HDAC4: variants seen among roughly 807,000 people sequenced by gnomAD.
HDAC4 encodes histone deacetylase A.
Under a neutral mutation model 135.1 loss-of-function variants are expected in HDAC4, and 16 were observed. That is an observed-to-expected ratio of 0.12 (90% confidence interval 0.08 to 0.18). HDAC4 has a LOEUF of 0.18. HDAC4 is among the 10% of genes least tolerant of loss of function. The probability of loss-of-function intolerance (pLI) is 1.00; values close to 1 mark genes in which losing one functional copy is unlikely to be tolerated. For missense variants in HDAC4, 1,143 were observed against 1,511.8 expected (o/e 0.76, Z 4.05); for synonymous variants, 685 against 653.4 (o/e 1.05, Z -0.74).
intron 3 of HDAC4, among the ~76,000 whole-genome samples, chr2:239,219,814 A>G (rs1384708960): frequency 6.6e-6 from 1 of 152,190 alleles, no homozygotes; most frequent in African/African-American, 2.4e-5. Flanking sequence ...TAAAGCATGC[A>G]ATCTACAAAG....
At chr2:239,091,454 T>C (rs1056149402) in intron 17 of HDAC4, 1 of 152,222 alleles carries the variant, frequency 6.6e-6, no homozygotes, top group Admixed American at 6.5e-5. Context: ...ACCAGGGCGA[T>C]TGCAGGTCCA....
chr2:239,189,793 C>T (rs753603646), intron 4 of HDAC4, 40 bp downstream of exon 4: 61 of 1,578,138 alleles, frequency 3.9e-5, no homozygotes, highest in South Asian at 4.5e-5. Context: ...TTGAGGGTGC[C>T]GGAGGCCTGG....
At chr2:239,194,434 G>A (rs775495281) in intron 3 of HDAC4, among the ~76,000 whole-genome samples, 3 of 152,160 alleles carry the variant, frequency 2.0e-5, no homozygotes, top group Admixed American at 6.5e-5. Flanking sequence ...CGCTGCTGCC[G>A]GGGAATTCTC....
intron 17 of HDAC4, chr2:239,094,697 G>A (rs2036838145): frequency 1.6e-6 from 2 of 1,236,364 alleles, no homozygotes; most frequent in Admixed American, 3.5e-5. Context: ...GATGTGAGCA[G>A]ATTACTGCCA....
At chr2:239,387,039 G>A (rs1054783290) in intron 1 of HDAC4, among the ~76,000 whole-genome samples, 6 of 152,256 alleles carry the variant, frequency 3.9e-5, no homozygotes, top group African/African-American at 1.4e-4. Flanking sequence ...GTCTGTCCGT[G>A]CGTCTATCTG....
At chr2:239,298,138 A>C in intron 2 of HDAC4, 1 of 1,179,678 alleles carries the variant, frequency 8.5e-7, no homozygotes, top group South Asian at 1.3e-5. Flanking sequence ...CATAAACAAG[A>C]AATTCCAAAC....
chr2:239,108,353 A>G (rs2038349610), intron 14 of HDAC4, among the ~76,000 whole-genome samples, 170 bp from the exon 15 acceptor site: 1 of 152,224 alleles, frequency 6.6e-6, no homozygotes, highest in African/African-American at 2.4e-5. Flanking sequence ...TTGACTGGCC[A>G]GGCCCAGAGA....
At chr2:239,177,509 G>A (rs994535258) in intron 4 of HDAC4, among the ~76,000 whole-genome samples, 14 of 152,350 alleles carry the variant, frequency 9.2e-5, no homozygotes, top group Admixed American at 5.9e-4. Flanking sequence ...TGCCGAGGCC[G>A]GAGGAAACGC....
chr2:239,280,512 C>A (rs549148494), intron 2 of HDAC4, among the ~76,000 whole-genome samples: 1 of 152,180 alleles, frequency 6.6e-6, no homozygotes, highest in African/African-American at 2.4e-5. Context: ...GGGCACTGCA[C>A]GCCTCCCCAC....
intron 2 of HDAC4, among the ~76,000 whole-genome samples, chr2:239,288,618 T>C (rs1477071181): frequency 6.6e-6 from 1 of 150,886 alleles, no homozygotes; most frequent in African/African-American, 2.4e-5. Context: ...AAATAAAATA[T>C]AAAAATCAAC....
At chr2:239,294,693 G>T (rs1333136918) in intron 2 of HDAC4, among the ~76,000 whole-genome samples, 1 of 151,968 alleles carries the variant, frequency 6.6e-6, no homozygotes, top group African/African-American at 2.4e-5. Context: ...GAGTTGGAAG[G>T]AAGGGGAGCA....
intron 1 of HDAC4, among the ~76,000 whole-genome samples, chr2:239,397,693 C>G (rs1696659721): frequency 6.6e-6 from 1 of 152,206 alleles, no homozygotes; most frequent in South Asian, 2.1e-4. Context: ...TTCCCACGCA[C>G]AGAAGCCCAA....
At chr2:239,210,536 A>G (rs573311789) in intron 3 of HDAC4, among the ~76,000 whole-genome samples, 1 of 152,294 alleles carries the variant, frequency 6.6e-6, no homozygotes, top group South Asian at 2.1e-4. Flanking sequence ...AAACGTGTAC[A>G]TTTATTACCC....
At chr2:239,251,437 T>C (rs2048779444) in intron 2 of HDAC4, among the ~76,000 whole-genome samples, 3 of 151,912 alleles carry the variant, frequency 2.0e-5, no homozygotes, top group Admixed American at 2.0e-4. Flanking sequence ...CTATCAACAA[T>C]ACAAAAAATC....
At chr2:239,169,493 G>A (rs1405843237) in intron 5 of HDAC4, among the ~76,000 whole-genome samples, 1 of 152,238 alleles carries the variant, frequency 6.6e-6, no homozygotes, top group East Asian at 1.9e-4. Flanking sequence ...CCACAGGGTG[G>A]GCCCCGCCCA....
intron 3 of HDAC4, among the ~76,000 whole-genome samples, chr2:239,214,134 G>C (rs1398637073): frequency 1.3e-5 from 2 of 152,142 alleles, no homozygotes; most frequent in African/African-American, 4.8e-5. Context: ...GTCTGACATG[G>C]GGTTTACGGA....
intron 2 of HDAC4, among the ~76,000 whole-genome samples, chr2:239,343,039 C>G (rs1214521167): frequency 1.3e-5 from 2 of 152,146 alleles, no homozygotes; most frequent in Admixed American, 6.5e-5. Context: ...GGCCTCCATC[C>G]CCACCAATGC....
At chr2:239,348,578 C>A (rs981337505) in intron 2 of HDAC4, among the ~76,000 whole-genome samples, 1 of 152,222 alleles carries the variant, frequency 6.6e-6, no homozygotes. Flanking sequence ...CTTGTCCTGC[C>A]AGCAGGCCCC....
chr2:239,363,704 A>G (rs1176665407), intron 1 of HDAC4, among the ~76,000 whole-genome samples: 1 of 152,256 alleles, frequency 6.6e-6, no homozygotes, highest in Non-Finnish European at 1.5e-5. Context: ...GGTACTGACC[A>G]TGAAGGAAAG....
Sources: allele counts gnomAD v4.1 joint callset (sites outside exome capture counted in the v4.1 genomes callset), GRCh38; gene constraint gnomAD v4.1.1; transcripts MANE v1.5; gene names NCBI Gene and HGNC (gene_info 2026-07-23, HGNC 2026-07-21).